Variants in ARPP21 observed in about 807,000 individuals in gnomAD.
ARPP21 encodes cAMP regulated phosphoprotein 21, also known as cAMP-regulated phosphoprotein 21.
A neutral mutation model predicts 113.2 loss-of-function variants in ARPP21; 69 were observed. The observed-to-expected ratio is 0.61, with a 90% confidence interval of 0.50 to 0.74. The LOEUF (loss-of-function observed/expected upper bound fraction) is 0.74, where lower values mean the gene tolerates loss of function less well. Ranked by LOEUF, ARPP21 falls within the 30% of genes least tolerant of loss-of-function variation. The pLI is 0.00. For missense variants in ARPP21, 1,070 were observed against 1,037.4 expected, an observed-to-expected ratio of 1.03 and a Z score of -0.43; for synonymous variants, 368 against 375.5, an observed-to-expected ratio of 0.98 and a Z score of 0.23.
intron 1 of ARPP21, among the ~76,000 whole-genome samples, chr3:35,667,355 A>C (rs993614456): frequency 5.3e-5 from 8 of 152,190 alleles, no homozygotes; most frequent in African/African-American, 9.7e-5. Flanking sequence ...TTAAGAATGA[A>C]ACCACAGTCA....
chr3:35,743,884 A>G lies in ARPP21; in HGVS notation c.2056A>G (p.Thr686Ala). 6.2e-7 allele frequency: 1 copy of G among 1,614,124 alleles called. No homozygotes were observed. Among genetic ancestry groups the G allele is most frequent in the Non-Finnish European group, 8.5e-7 (1 of 1,179,966 alleles). Residue 686 changes from threonine to alanine, a missense_variant, in exon 19 of 21, where the codon ACG becomes GCG. Thr to Ala is a moderately conservative substitution (Grantham distance 58). Transcript: ENST00000684406. ...YPSGQYPTST[T>A]QQYRPMAPVQ... ...ATCTGGTCAGTACCCTACCTCAACC[A>G]CGCAACAGTACCGGCCCATGGCCCC...
chr3:35,721,562 G>A (rs755784670), intron 13 of ARPP21, 43 bp from the exon 14 acceptor site: 3 of 1,150,542 alleles, frequency 2.6e-6, no homozygotes, highest in Non-Finnish European at 2.6e-6. Context: ...ATGCATGTAA[G>A]GTAATCCTGT....
At chr3:35,760,855 A>T (rs927030443) in intron 19 of ARPP21, among the ~76,000 whole-genome samples, 5 of 151,728 alleles carry the variant, frequency 3.3e-5, no homozygotes, top group Non-Finnish European at 7.4e-5. Context: ...ATGGGCTTAT[A>T]AAAAAAATGC....
Position 35,729,346 on chromosome 3 carries a change from C to T in ARPP21, c.1269C>T (p.Ser423=). ...GTGCAGGCTCCTCAGGATCGCTGTC[C>T]CGCACCCATCCACCTCTCCAGAGCA... The part of the protein sequence containing the change: ...SSSAGSSGSL[S]RTHPPLQSTP... The change falls in exon 15 of 21, where the codon TCC becomes TCT. Residue 423 remains serine (S), a synonymous_variant. Transcript: ENST00000684406. The T allele has an allele frequency of 6.2e-7, 1 of 1,614,138 alleles. No individual in the cohort carries two copies. Among genetic ancestry groups the T allele is most frequent in the Non-Finnish European group, 8.5e-7 (1 of 1,180,018 alleles).
chr3:35,675,798 AGAT>A (rs58955088), intron 1 of ARPP21, among the ~76,000 whole-genome samples: 12,235 of 149,296 alleles, frequency 0.082, 610 homozygotes, highest in African/African-American at 0.14. Context: ...GCTAAGATGA[AGAT>A]GATGATGATG....
intron 18 of ARPP21, among the ~76,000 whole-genome samples, chr3:35,743,142 C>A (rs1287485673): frequency 6.6e-6 from 1 of 152,300 alleles, no homozygotes; most frequent in African/African-American, 2.4e-5. Context: ...TACCATATTT[C>A]ATGATTGCAT....
At chr3:35,745,087 G>A (rs2094937997) in intron 19 of ARPP21, among the ~76,000 whole-genome samples, 1 of 152,190 alleles carries the variant, frequency 6.6e-6, no homozygotes, top group African/African-American at 2.4e-5. Flanking sequence ...GCCAGATTTT[G>A]TCTTGTTTCA....
chr3:35,725,522 C>T (rs2093458260), intron 14 of ARPP21, among the ~76,000 whole-genome samples: 1 of 152,110 alleles, frequency 6.6e-6, no homozygotes, highest in South Asian at 2.1e-4. Context: ...CTGAAGAAAA[C>T]ACAGCTAGTA....
rs151000813 is a variant in ARPP21 at position 35,697,033 on chromosome 3, A to C, written c.686+6028A>C. ...GAGACTAGAAACCATCCTCTTGCAC[A>C]AGTGTTTTCCAAAAAGCCAAGATCA... is the stretch of plus-strand genomic sequence containing the variant. On this transcript the variant is annotated intron_variant, in intron 9 of 20. Coordinates refer to ENST00000684406, the MANE Select transcript of ARPP21 (RefSeq NM_001385562.1). Among the ~76,000 whole-genome samples the C allele has an allele frequency of 4.6e-5, 7 of 151,722 alleles. No homozygotes were observed. In the East Asian group the frequency reaches 1.2e-3, roughly 25 times the overall value.
At chr3:35,705,208 C>T (rs1559682077) in intron 9 of ARPP21, among the ~76,000 whole-genome samples, 1 of 151,932 alleles carries the variant, frequency 6.6e-6, no homozygotes, top group Non-Finnish European at 1.5e-5. Flanking sequence ...AAATGTGTAA[C>T]AACATATAAA....
chr3:35,722,300 T>C (rs181824860), intron 14 of ARPP21, among the ~76,000 whole-genome samples: 24 of 152,344 alleles, frequency 1.6e-4, no homozygotes, highest in Non-Finnish European at 3.1e-4. Flanking sequence ...AGGATAATTA[T>C]AATATTAATA....
intron 14 of ARPP21, among the ~76,000 whole-genome samples, chr3:35,728,908 C>T (rs2093748271): frequency 1.3e-5 from 2 of 152,140 alleles, no homozygotes; most frequent in South Asian, 4.1e-4. Flanking sequence ...TAACCACAAT[C>T]CCTGTCATTT....
At position 35,721,841 on chromosome 3, in the gene ARPP21, A is replaced by G. The variant is rs575410535; in HGVS notation, c.1225+7A>G. On this transcript the variant is annotated splice_region_variant and intron_variant, in intron 14 of 20. Transcript: ENST00000684406. ...GGGAAGCTGTCCAAAGCAGGTAGTTAGTACTGAATGTGTTTATGTCCTGTG... is the reference window on the plus strand; with the variant it reads ...GGGAAGCTGTCCAAAGCAGGTAGTTGGTACTGAATGTGTTTATGTCCTGTG... 5.1e-6 allele frequency: 8 copies of G among 1,571,536 alleles called. No individual in the cohort carries two copies. The Admixed American group carries it at 1.2e-4, about 24-fold the overall frequency.
intron 19 of ARPP21, among the ~76,000 whole-genome samples, chr3:35,790,170 C>T (rs2096719774): frequency 6.6e-6 from 1 of 152,164 alleles, no homozygotes. Context: ...ATCCAAAGTA[C>T]TAAATGGCAC....
intron 5 of ARPP21, among the ~76,000 whole-genome samples, chr3:35,686,194 C>T (rs1559613981): frequency 6.6e-6 from 1 of 151,678 alleles, no homozygotes; most frequent in Non-Finnish European, 1.5e-5. Flanking sequence ...CCCACCTCAG[C>T]CACGTCTTCT....
At chr3:35,714,904 A>C (rs2092125550) in intron 11 of ARPP21, 1 of 152,146 alleles carries the variant, frequency 6.6e-6, no homozygotes, top group Admixed American at 6.5e-5. Flanking sequence ...ACTTAAGATC[A>C]ATAATTGATG....
Position 35,721,666 on chromosome 3 carries a change from C to T in ARPP21, c.1057C>T (p.Leu353Phe). 3 of 1,613,924 alleles carry T rather than the reference C, an allele frequency of 1.9e-6. No homozygotes were observed. Among genetic ancestry groups the T allele is most frequent in the South Asian group, 2.2e-5 (2 of 91,034 alleles). Residue 353 changes from leucine to phenylalanine, a missense_variant, in exon 14 of 21, where the codon CTC (leucine) becomes TTC (phenylalanine). Physicochemically the swap from Leu to Phe is conservative, Grantham distance 22. Coordinates refer to ENST00000684406, the MANE Select transcript of ARPP21 (RefSeq NM_001385562.1). ...TCGACAGAGCAGCTCAGAAAATGAA[C>T]TCAAGTGGTCTGACCACCAAAGGGC... ...GSRQSSSENE[L>F]KWSDHQRAWS... is the part of the protein sequence containing the mutation.
At chr3:35,711,847 A>G (rs1467513459) in intron 11 of ARPP21, among the ~76,000 whole-genome samples, 1 of 152,198 alleles carries the variant, frequency 6.6e-6, no homozygotes, top group Non-Finnish European at 1.5e-5. Context: ...TTAAGGGAGA[A>G]AGAGAGAGAA....
intron 11 of ARPP21, among the ~76,000 whole-genome samples, chr3:35,709,536 A>G (rs1439169148): frequency 6.6e-6 from 1 of 152,208 alleles, no homozygotes; most frequent in Non-Finnish European, 1.5e-5. Flanking sequence ...TGGACATTTC[A>G]TTATACTAAA....
Sources: allele counts gnomAD v4.1 joint callset (sites outside exome capture counted in the v4.1 genomes callset), GRCh38; gene constraint gnomAD v4.1.1; transcripts MANE v1.5; gene names NCBI Gene and HGNC (gene_info 2026-07-23, HGNC 2026-07-21).